The following ACAN variants were observed in gnomAD, a reference collection of about 807,000 sequenced individuals.
The protein encoded by ACAN is aggrecan, also known as aggrecan core protein.
A neutral mutation model predicts 169.1 loss-of-function variants in ACAN; 47 were observed. The observed-to-expected ratio is 0.28, with a 90% CI of 0.22 to 0.35. The LOEUF (loss-of-function observed/expected upper bound fraction) is 0.35, where lower values mean the gene tolerates loss of function less well. ACAN is among the 10% of genes least tolerant of loss of function. The probability of loss-of-function intolerance (pLI) is 1.00; values close to 1 mark genes in which losing one functional copy is unlikely to be tolerated. For synonymous variants in ACAN, 1,115 were observed against 1,112.2 expected, an observed-to-expected ratio of 1.00 and a Z score of -0.05; for missense variants, 2,716 against 2,759.9, an observed-to-expected ratio of 0.98 and a Z score of 0.36.
intron 1 of ACAN, among the ~76,000 whole-genome samples, chr15:88,808,642 G>A (rs1425973031): frequency 6.6e-6 from 1 of 152,174 alleles, no homozygotes; most frequent in East Asian, 1.9e-4. Context: ...CTTGCTGCTA[G>A]CGTCTCATGG....
intron 1 of ACAN, among the ~76,000 whole-genome samples, chr15:88,804,815 C>G (rs1412669708): frequency 6.6e-6 from 1 of 152,118 alleles, no homozygotes; most frequent in Non-Finnish European, 1.5e-5. Context: ...AGCTGGAGTT[C>G]CAGCATGTTG....
At position 88,807,650 on chromosome 15, in the gene ACAN, G is replaced by T. The variant is rs527535524; in HGVS notation, c.-8+3841G>T. Among the ~76,000 whole-genome samples, 5 of 152,190 alleles carry T rather than the reference G, an allele frequency of 3.3e-5. No individual in the cohort carries two copies. The East Asian group carries it at 9.7e-4, about 29-fold the overall frequency. On this transcript the variant is annotated intron_variant, in intron 1 of 18. Coordinates refer to ENST00000560601, the MANE Select transcript of ACAN (RefSeq NM_001369268.1). This position sits in a 1 kb window ranked among gnomAD's most constrained non-coding sequence, Gnocchi z 4.0. ...GAGAGGGGGAATTTGTAGAGAAAAC[G>T]GTAAAACGGTTTCTTTTTTCAAAAG...
In ACAN at chr15:88,874,837, C is replaced by T. The variant is rs1897473699; in HGVS notation, c.*356C>T. 5 of 366,022 alleles carry T rather than the reference C, an allele frequency of 1.4e-5. No homozygotes were observed. The Admixed American group carries it at 1.9e-4, about 14-fold the overall frequency. The allele number at this position is 366,022 out of a possible 1,614,324, so 22.7% of individuals were successfully genotyped here. On this transcript the variant is annotated 3_prime_UTR_variant, in exon 19 of 19. Coordinates refer to ENST00000560601, the MANE Select transcript of ACAN (RefSeq NM_001369268.1). This position sits in a 1 kb window ranked among gnomAD's most constrained non-coding sequence, Gnocchi z 7.3. ...AAAGAAGATTATTTTTGTTTCCTGA[C>T]TTTATCCAAGAGCAGTGCAATCGTT...
rs1567182557 is a variant in ACAN at position 88,851,937 on chromosome 15, G to A, written c.2170G>A (p.Gly724Arg). 1 of 1,612,856 alleles carries A rather than the reference G, an allele frequency of 6.2e-7. No homozygotes were observed. Among genetic ancestry groups the A allele is most frequent in the Non-Finnish European group, 8.5e-7 (1 of 1,179,488 alleles). The change falls in exon 11 of 19, where the codon GGG becomes AGG. Residue 724 changes from glycine to arginine, a missense_variant. Gly to Arg is a moderately radical substitution (Grantham distance 125). Transcript: ENST00000560601. The surrounding 1 kb of genome is among the most constrained non-coding windows in gnomAD (Gnocchi z 4.3). ...VEEETTAVPS[G>R]ETTAILEFTT... ...AGAGGAGACAACTGCTGTACCCTCA[G>A]GGGAGACTACTGCCATCCTAGAGTT...
rs1230558560 is a variant in ACAN at position 88,849,884 on chromosome 15, G to A, written c.2026+153G>A. The A allele has an allele frequency of 2.1e-5, 24 of 1,134,844 alleles. No homozygotes were observed. Among genetic ancestry groups the A allele is most frequent in the Admixed American group, 4.0e-5 (2 of 50,498 alleles). 70.3% of individuals were successfully genotyped at this position (1,134,844 alleles called of 1,614,324 possible). On this transcript the variant is annotated intron_variant, in intron 10 of 18. Transcript: ENST00000560601. The surrounding 1 kb of genome is among the most constrained non-coding windows in gnomAD (Gnocchi z 5.1). ...GAGCCAGCTCTGAAACCAGCACAACGCAGGCTTTGACCCCAAGGCAAGGTC... is the reference window on the plus strand; with the variant it reads ...GAGCCAGCTCTGAAACCAGCACAACACAGGCTTTGACCCCAAGGCAAGGTC...
At position 88,834,054 on chromosome 15, in the gene ACAN, G is replaced by A. The variant is rs1012706357; in HGVS notation, c.-7-2146G>A. 4.6e-5 allele frequency among the ~76,000 whole-genome samples: 7 copies of A among 152,266 alleles called. No homozygotes were observed. In the East Asian group the frequency reaches 9.7e-4, roughly 21 times the overall value. The stretch of plus-strand genomic sequence containing the variant: ...CCTTCTGGGGAACTATTTCCCAGCC[G>A]CAACTCGTCACATGGGGCTTGAACC... On this transcript the variant is annotated intron_variant, in intron 1 of 18. Transcript: ENST00000560601.
Position 88,843,869 on chromosome 15 carries a change from G to T in ACAN, c.1051+221G>T, listed in dbSNP as rs1404363086. 6.6e-6 allele frequency among the ~76,000 whole-genome samples: 1 copy of T among 152,132 alleles called. No individual in the cohort carries two copies. The highest frequency in any genetic ancestry group is 6.6e-5 in the Admixed American group (1 of 15,266). On this transcript the variant is annotated intron_variant, in intron 6 of 18. Transcript: ENST00000560601. This position sits in a 1 kb window ranked among gnomAD's most constrained non-coding sequence, Gnocchi z 4.0. ...CAGCGTATCTAGCTCTGTCTCATCG[G>T]ATCAGCACAGACGAGGCTTAAAAAC...
At chr15:88,832,533 C>T (rs945924389) in intron 1 of ACAN, among the ~76,000 whole-genome samples, 1 of 152,172 alleles carries the variant, frequency 6.6e-6, no homozygotes, top group Non-Finnish European at 1.5e-5. Flanking sequence ...TTGCTTGAAC[C>T]TGGGAGGCAG....
chr15:88,824,986 G>C (rs185706634), intron 1 of ACAN, among the ~76,000 whole-genome samples: 1 of 152,268 alleles, frequency 6.6e-6, no homozygotes, highest in East Asian at 1.9e-4. Context: ...ATTTAAACAG[G>C]CTAGAATGAC....
At chr15:88,824,059 T>C (rs1896145363) in intron 1 of ACAN, among the ~76,000 whole-genome samples, 1 of 152,098 alleles carries the variant, frequency 6.6e-6, no homozygotes, top group Admixed American at 6.5e-5. Context: ...GCGCAGTGGC[T>C]CACGCCTGTA....
chr15:88,867,563 G>T (rs1292394105), intron 13 of ACAN, among the ~76,000 whole-genome samples: 1 of 152,128 alleles, frequency 6.6e-6, no homozygotes, highest in Non-Finnish European at 1.5e-5. Context: ...AAAGATTCAG[G>T]CTTCATTTTT....
chr15:88,867,479 C>T (rs1344538448), intron 13 of ACAN, among the ~76,000 whole-genome samples: 1 of 152,182 alleles, frequency 6.6e-6, no homozygotes, highest in African/African-American at 2.4e-5. Context: ...GAGATAGCCA[C>T]CTTCTGGGGC....
In ACAN at chr15:88,849,760, C is replaced by T. The variant is rs748988169; in HGVS notation, c.2026+29C>T. ...TGCAGCCTCACTTCGGCTCCAACAG[C>T]CCCTTTTGTCTGGAGAGGACCCCAC... is the stretch of plus-strand genomic sequence containing the variant. On this transcript the variant is annotated intron_variant, in intron 10 of 18. Transcript: ENST00000560601. This position sits in a 1 kb window ranked among gnomAD's most constrained non-coding sequence, Gnocchi z 5.1. 16 of 1,609,056 alleles carry T rather than the reference C, an allele frequency of 9.9e-6. No homozygotes were observed. The highest frequency in any genetic ancestry group is 1.2e-5 in the Non-Finnish European group (14 of 1,177,878).
At chr15:88,815,652 T>A (rs1596113887) in intron 1 of ACAN, among the ~76,000 whole-genome samples, 3 of 79,040 alleles carry the variant, frequency 3.8e-5, no homozygotes, top group East Asian at 5.5e-4. Flanking sequence ...TGTTCTGCAC[T>A]GATTAAAAAA....
intron 1 of ACAN, among the ~76,000 whole-genome samples, chr15:88,825,341 G>A (rs1304607763): frequency 6.6e-6 from 1 of 152,150 alleles, no homozygotes; most frequent in Non-Finnish European, 1.5e-5. Context: ...GAAGTTCCAA[G>A]TAAGTTGCCA....
At chr15:88,846,057 A>G (rs1349442571) in intron 7 of ACAN, among the ~76,000 whole-genome samples, 175 bp downstream of exon 7, 1 of 152,230 alleles carries the variant, frequency 6.6e-6, no homozygotes, top group Non-Finnish European at 1.5e-5. Context: ...AGGCCAGACT[A>G]GTCAGGTCCA....
Position 88,823,895 on chromosome 15 carries a change from C to T in ACAN, c.-7-12305C>T, listed in dbSNP as rs540391866. ...AGTGAGAATGGATATTTCCATGGGCCGTGTGTGCACTCCCGGCTACCCCTG... is the reference window on the plus strand; with the variant it reads ...AGTGAGAATGGATATTTCCATGGGCTGTGTGTGCACTCCCGGCTACCCCTG... On this transcript the variant is annotated intron_variant, in intron 1 of 18. Coordinates refer to ENST00000560601, the MANE Select transcript of ACAN (RefSeq NM_001369268.1). Among the ~76,000 whole-genome samples the T allele has an allele frequency of 2.7e-4, 41 of 152,252 alleles. 1 individual carries two copies. In the South Asian group the frequency reaches 7.5e-3, roughly 28 times the overall value.
rs1307179974 is a variant in ACAN, at chr15:88,874,557, G to A, written c.*76G>A. On this transcript the variant is annotated 3_prime_UTR_variant, in exon 19 of 19. Coordinates refer to ENST00000560601, the MANE Select transcript of ACAN (RefSeq NM_001369268.1). This position sits in a 1 kb window ranked among gnomAD's most constrained non-coding sequence, Gnocchi z 7.3. ...CTGACGTGCATCCCACCCAGACGGTGTCCTCTTCTTGTCGCTTTTTGTCAT... is the reference window on the plus strand; with the variant it reads ...CTGACGTGCATCCCACCCAGACGGTATCCTCTTCTTGTCGCTTTTTGTCAT... The A allele has an allele frequency of 2.2e-6, 3 of 1,338,098 alleles. No individual in the cohort carries two copies. The highest frequency in any genetic ancestry group is 2.1e-6 in the Non-Finnish European group (2 of 952,206). The allele number at this position is 1,338,098 out of a possible 1,614,324, so 82.9% of individuals were successfully genotyped here. A position where few individuals can be genotyped will look rare whatever the true frequency, so the allele number is the denominator to read the frequency against.
Position 88,852,030 on chromosome 15 carries a change from C to A in ACAN, c.2263C>A (p.Pro755Thr), listed in dbSNP as rs1227494952. The A allele has an allele frequency of 1.9e-6, 3 of 1,597,418 alleles. No individual in the cohort carries two copies. Among genetic ancestry groups the A allele is most frequent in the African/African-American group, 1.3e-5 (1 of 74,536 alleles). ...TACCCCAGTGGGCACATCCCCGCTG[C>A]CAGGTTGGTATGGCTTGGGTTCTGG... ...AYTPVGTSPL[P>T]GILPTWPPTG... The change falls in exon 11 of 19, where the codon CCA (proline) becomes ACA (threonine). Residue 755 changes from proline to threonine, a missense_variant. By Grantham distance (38) the Pro-to-Thr change is conservative. This residue lies in a region of ACAN where 1,283 missense variants were observed against 1,281.5 expected (regional missense o/e 1.00). Transcript: ENST00000560601.
Sources: gnomAD v4.1 joint callset for allele counts (sites outside exome capture counted in the v4.1 genomes callset) on GRCh38, gnomAD v4.1.1 for gene constraint, gnomAD v4.1.1 regional missense constraint, Gnocchi (gnomAD v3.1) non-coding constraint, MANE v1.5 for transcripts, NCBI Gene and HGNC (gene_info 2026-07-23, HGNC 2026-07-21) for gene names.